Variants in CHIC1 observed in about 807,000 individuals in gnomAD.
CHIC1 encodes the protein cysteine rich hydrophobic domain 1.
CHIC1 carries 7 observed loss-of-function variants against 18.5 expected under a neutral mutation model. The ratio of observed to expected loss-of-function variants is 0.38; its 90% confidence interval spans 0.22 to 0.71. The LOEUF is 0.71. CHIC1 is among the 30% of genes least tolerant of loss of function. The pLI, the probability that CHIC1 is intolerant of heterozygous loss-of-function variation, is 0.49. For missense variants in CHIC1, 159 were observed against 176.9 expected (o/e 0.90, Z 0.57); for synonymous variants, 77 against 73.5 (o/e 1.05, Z -0.25).
Position 73,606,375 on chromosome X carries a change from C to T in CHIC1, c.507+21803C>T, listed in dbSNP as rs748325730. ...TCTCTAAACTGGTTATTCTAGATAGCAATTCCTCTAATTTTTTTTCAAGGC... is the reference window on the plus strand; with the variant it reads ...TCTCTAAACTGGTTATTCTAGATAGTAATTCCTCTAATTTTTTTTCAAGGC... On this transcript the variant is annotated intron_variant, in intron 3 of 5. Coordinates refer to ENST00000373502, the MANE Select transcript of CHIC1 (RefSeq NM_001039840.4). 1.9e-4 allele frequency among the ~76,000 whole-genome samples: 20 copies of T among 106,519 alleles called. No individual in the cohort carries two copies. In the South Asian group the frequency reaches 4.8e-3, roughly 26 times the overall value. The allele number at this position is 106,519 out of a possible 115,157, so 92.5% of individuals were successfully genotyped here.
rs1168641578 is a variant in CHIC1, at chrX:73,606,933, G to T, written c.507+22361G>T. Among the ~76,000 whole-genome samples, 4 of 109,043 alleles carry T rather than the reference G, an allele frequency of 3.7e-5. 1 individual carries two copies. Among genetic ancestry groups the T allele is most frequent in the African/African-American group, 1.4e-4 (4 of 28,111 alleles). The allele number at this position is 109,043 out of a possible 115,157, so 94.7% of individuals were successfully genotyped here. The stretch of plus-strand genomic sequence containing the variant: ...TATCTCTTGACTACTCCTGGGAGTT[G>T]TCTTTCAGTCAGGAGGCACGGTTGT... On this transcript the variant is annotated intron_variant, in intron 3 of 5. Transcript: ENST00000373502.
In CHIC1 at chrX:73,593,893, A is replaced by G. The variant is rs781403801; in HGVS notation, c.507+9321A>G. Among the ~76,000 whole-genome samples the G allele has an allele frequency of 1.7e-4, 19 of 111,558 alleles. 1 individual carries two copies. Among genetic ancestry groups the G allele is most frequent in the East Asian group, 1.1e-3 (4 of 3,514 alleles). On this transcript the variant is annotated intron_variant, in intron 3 of 5. Transcript: ENST00000373502. ...TCTTTGCCATCCGATTCTGAATTCT[A>G]TGTCATTTCAGACATTTCAAACTGT...
chrX:73,567,550 G>C (rs2057450492), intron 1 of CHIC1, among the ~76,000 whole-genome samples: 1 of 110,759 alleles, frequency 9.0e-6, no homozygotes, highest in Admixed American at 9.6e-5. Context: ...CACTACCCTA[G>C]CTAGTCATGT....
chrX:73,616,377 G>A (rs1318599674), intron 3 of CHIC1, among the ~76,000 whole-genome samples: 4 of 111,566 alleles, frequency 3.6e-5, no homozygotes, highest in South Asian at 3.8e-4. Context: ...ACAGGCTGGC[G>A]TTGAATGTCT....
At chrX:73,581,202 A>T (rs924801539) in intron 2 of CHIC1, among the ~76,000 whole-genome samples, 12 of 110,766 alleles carry the variant, frequency 1.1e-4, no homozygotes, top group Admixed American at 6.7e-4. Context: ...TGTGTTCCCC[A>T]TGACTGAAGA....
chrX:73,573,157 C>T (rs944063213), intron 1 of CHIC1, among the ~76,000 whole-genome samples: 2 of 111,453 alleles, frequency 1.8e-5, no homozygotes, highest in African/African-American at 6.5e-5. Flanking sequence ...AATTCTTCTG[C>T]ATATGGCTGG....
chrX:73,572,817 GA>G (rs1207503871), intron 1 of CHIC1, among the ~76,000 whole-genome samples: 1 of 110,391 alleles, frequency 9.1e-6, no homozygotes, highest in Non-Finnish European at 1.9e-5. Flanking sequence ...ATTGCCTATT[GA>G]ATTATTTAAA....
chrX:73,656,800 CAT>C (rs768689763), intron 3 of CHIC1, among the ~76,000 whole-genome samples: 1 of 111,665 alleles, frequency 9.0e-6, no homozygotes, highest in Non-Finnish European at 1.9e-5. Flanking sequence ...TTTTTTGTGT[CAT>C]ATGAATTTTA....
intron 3 of CHIC1, among the ~76,000 whole-genome samples, chrX:73,602,216 A>G (rs1428390904): frequency 9.1e-6 from 1 of 109,426 alleles, no homozygotes; most frequent in African/African-American, 3.5e-5. Context: ...AACTCATTTT[A>G]TGAGGCCAGC....
rs1461482583 is a variant in CHIC1, at chrX:73,686,234, C to T, written c.*5229C>T. 1 of 111,236 alleles carries T rather than the reference C, an allele frequency of 9.0e-6. No homozygotes were observed. 9.2% of individuals were successfully genotyped at this position (111,236 alleles called of 1,213,427 possible). A position where few individuals can be genotyped will look rare whatever the true frequency, so the allele number is the denominator to read the frequency against. ...TTATAAAGGAACTAAGATTATTTGA[C>T]CCCCTCCACAGATTGCTTACCTAGT... is the stretch of plus-strand genomic sequence containing the variant. On this transcript the variant is annotated 3_prime_UTR_variant, in exon 6 of 6. Coordinates refer to ENST00000373502, the MANE Select transcript of CHIC1 (RefSeq NM_001039840.4).
chrX:73,563,228 A>T lies in CHIC1; in HGVS notation c.-57A>T. The T allele has an allele frequency of 9.6e-7, 1 of 1,037,460 alleles. No homozygotes were observed. Among genetic ancestry groups the T allele is most frequent in the Non-Finnish European group, 1.2e-6 (1 of 806,296 alleles). 85.5% of individuals were successfully genotyped at this position (1,037,460 alleles called of 1,213,427 possible). A position where few individuals can be genotyped will look rare whatever the true frequency, so the allele number is the denominator to read the frequency against. On this transcript the variant is annotated 5_prime_UTR_variant, in exon 1 of 6. Transcript: ENST00000373502. ...ATTTCGTTCCCCCTCCTCTTGCAGC[A>T]CCTCGGCAGGTTCAAACTCTTCTCC...
chrX:73,677,443 C>G (rs191199706), intron 3 of CHIC1, among the ~76,000 whole-genome samples: 1 of 111,649 alleles, frequency 9.0e-6, no homozygotes, highest in African/African-American at 3.3e-5. Context: ...CAATGGCAGG[C>G]ACCCCTCCCC....
At chrX:73,626,786 G>A (rs1433337094) in intron 3 of CHIC1, among the ~76,000 whole-genome samples, 2 of 110,800 alleles carry the variant, frequency 1.8e-5, no homozygotes, top group African/African-American at 6.6e-5. Flanking sequence ...TGTTTCTCCA[G>A]GTTTGGTTCC....
chrX:73,609,353 C>CT (rs1301836178), intron 3 of CHIC1, among the ~76,000 whole-genome samples: 1 of 108,012 alleles, frequency 9.3e-6, no homozygotes, highest in Non-Finnish European at 1.9e-5. Flanking sequence ...CATGTATGGC[C>CT]TTTATCATGT....
At chrX:73,606,961 G>A (rs1352509566) in intron 3 of CHIC1, among the ~76,000 whole-genome samples, 1 of 109,052 alleles carries the variant, frequency 9.2e-6, no homozygotes, top group Non-Finnish European at 1.9e-5. Flanking sequence ...ACGGTTGTCA[G>A]GGATCCACTT....
At chrX:73,638,042 G>A (rs952796213) in intron 3 of CHIC1, among the ~76,000 whole-genome samples, 5 of 111,609 alleles carry the variant, frequency 4.5e-5, no homozygotes, top group Admixed American at 2.9e-4. Context: ...TGATCTTAGC[G>A]TAGGAATGAG....
intron 3 of CHIC1, among the ~76,000 whole-genome samples, chrX:73,623,769 T>C (rs2057771449): frequency 8.9e-6 from 1 of 112,064 alleles, no homozygotes; most frequent in Non-Finnish European, 1.9e-5. Flanking sequence ...AAACTGTTTT[T>C]ATTTCCCAAA....
At chrX:73,641,260 G>A (rs1275532754) in intron 3 of CHIC1, among the ~76,000 whole-genome samples, 1 of 110,623 alleles carries the variant, frequency 9.0e-6, no homozygotes, top group Non-Finnish European at 1.9e-5. Context: ...CTGATTGTGT[G>A]GTCAATTTTA....
At chrX:73,612,273 A>G (rs1182337824) in intron 3 of CHIC1, among the ~76,000 whole-genome samples, 1 of 111,917 alleles carries the variant, frequency 8.9e-6, no homozygotes, top group East Asian at 2.8e-4. Context: ...TTTGTTTAAT[A>G]GATCTCTTGT....
Sources: allele counts gnomAD v4.1 joint callset (sites outside exome capture counted in the v4.1 genomes callset), GRCh38; gene constraint gnomAD v4.1.1; transcripts MANE v1.5; gene names NCBI Gene and HGNC (gene_info 2026-07-23, HGNC 2026-07-21).